The following DZIP3 variants were observed in gnomAD, a reference collection of about 807,000 sequenced individuals.
DZIP3 encodes the protein E3 ubiquitin-protein ligase DZIP3.
In DZIP3, 118 loss-of-function variants were observed where a neutral mutation model predicts 162.0. The observed-to-expected ratio is 0.73, with a 90% CI of 0.63 to 0.85. DZIP3 has a LOEUF of 0.85. Among genes scored for constraint, DZIP3 ranks in the 40% least tolerant of loss-of-function variants. DZIP3 has a pLI of 0.00. For missense variants in DZIP3, 1,331 were observed against 1,407.0 expected (o/e 0.95, Z 0.86); for synonymous variants, 438 against 458.6 (o/e 0.96, Z 0.57).
At chr3:108,674,746 AG>A (rs1394128014) in intron 24 of DZIP3, among the ~76,000 whole-genome samples, 1 of 151,964 alleles carries the variant, frequency 6.6e-6, no homozygotes, top group Admixed American at 6.6e-5. Flanking sequence ...AATATTGAAC[AG>A]GTTGCATGAA....
intron 26 of DZIP3, among the ~76,000 whole-genome samples, chr3:108,682,362 T>C (rs1273217016): frequency 6.6e-6 from 1 of 151,060 alleles, no homozygotes; most frequent in East Asian, 1.9e-4. Flanking sequence ...TGCTAAGATA[T>C]GTCATCTACA....
Position 108,669,718 on chromosome 3 carries a change from A to G in DZIP3, c.2461A>G (p.Lys821Glu), listed in dbSNP as rs762228363. The change falls in exon 22 of 33, where the codon AAG (lysine) becomes GAG (glutamate). Residue 821 changes from lysine to glutamate, a missense_variant. Physicochemically the swap from Lys to Glu is moderately conservative, Grantham distance 56 (BLOSUM62 1). This residue lies in a region of DZIP3 where 1,278 missense variants were observed against 1,317.1 expected (regional missense o/e 0.97). Transcript: ENST00000361582. Reference sequence around the variant, plus strand: ...AATCCATGCTAAAGATAATGAAATCAAGAACCTTAAAGAGCAACTTTCTAT... The same window carrying G: ...AATCCATGCTAAAGATAATGAAATCGAGAACCTTAAAGAGCAACTTTCTAT... Reference protein sequence around the residue: ...RQIHAKDNEIKNLKEQLSMKR... With the variant: ...RQIHAKDNEIENLKEQLSMKR... 4 of 1,611,392 alleles carry G rather than the reference A, an allele frequency of 2.5e-6. No homozygotes were observed. The South Asian group carries it at 3.3e-5, about 13-fold the overall frequency.
In DZIP3 at chr3:108,614,242, G is replaced by A. The variant is rs1048327782; in HGVS notation, c.259-2299G>A. On this transcript the variant is annotated intron_variant, in intron 4 of 32. Transcript: ENST00000361582. ...ATGCGTAATAAGTATGTCCAAAACC[G>A]AAAGCAAAAATATCCAAAATCATGA... is the stretch of plus-strand genomic sequence containing the variant. Among the ~76,000 whole-genome samples the A allele has an allele frequency of 4.6e-5, 7 of 152,046 alleles. No individual in the cohort carries two copies. In the East Asian group the frequency reaches 5.8e-4, roughly 13 times the overall value.
intron 4 of DZIP3, among the ~76,000 whole-genome samples, chr3:108,613,130 T>TTAA (rs1940812586): frequency 6.6e-6 from 1 of 152,102 alleles, no homozygotes; most frequent in African/African-American, 2.4e-5. Context: ...TAAAACTCTA[T>TTAA]TAAAGGTAAG....
intron 27 of DZIP3, among the ~76,000 whole-genome samples, chr3:108,684,789 C>A (rs1333369885): frequency 1.3e-5 from 2 of 152,124 alleles, no homozygotes; most frequent in Non-Finnish European, 1.5e-5. Flanking sequence ...TATCTATAAA[C>A]AGACTATAAA....
intron 27 of DZIP3, among the ~76,000 whole-genome samples, chr3:108,684,829 G>C (rs1247670532): frequency 6.6e-6 from 1 of 152,042 alleles, no homozygotes; most frequent in Non-Finnish European, 1.5e-5. Context: ...AAACTGTAAA[G>C]TTATAAATCT....
chr3:108,632,158 T>C (rs1941918383), intron 8 of DZIP3, among the ~76,000 whole-genome samples: 1 of 152,224 alleles, frequency 6.6e-6, no homozygotes, highest in Admixed American at 6.5e-5. Flanking sequence ...AAGGACCTTA[T>C]CTAATCATTT....
At position 108,589,733 on chromosome 3, in the gene DZIP3, C is replaced by G. The variant is rs1019706660; in HGVS notation, c.-179C>G. On this transcript the variant is annotated 5_prime_UTR_variant, in exon 1 of 33. Coordinates refer to ENST00000361582, the MANE Select transcript of DZIP3 (RefSeq NM_014648.4). The stretch of plus-strand genomic sequence containing the variant: ...AAGGGGGATTCCTCACTCAGCTGTG[C>G]GCTCTGATTTCGTGCGCTTCCTCGT... The G allele has an allele frequency of 6.6e-5, 12 of 183,018 alleles. No individual in the cohort carries two copies. The highest frequency in any genetic ancestry group is 1.0e-4 in the Non-Finnish European group (9 of 85,966). The allele number at this position is 183,018 out of a possible 1,614,324, so 11.3% of individuals were successfully genotyped here. A position where few individuals can be genotyped will look rare whatever the true frequency, so the allele number is the denominator to read the frequency against.
Position 108,648,935 on chromosome 3 carries a change from GA to G in DZIP3, c.1985del (p.Lys662ArgfsTer21). 1 of 1,161,048 alleles carries G rather than the reference GA, an allele frequency of 8.6e-7. No homozygotes were observed. Among genetic ancestry groups the G allele is most frequent in the East Asian group, 5.4e-5 (1 of 18,462 alleles). The allele number at this position is 1,161,048 out of a possible 1,614,324, so 71.9% of individuals were successfully genotyped here. On this transcript the variant is annotated frameshift_variant, in exon 17 of 33. Coordinates refer to ENST00000361582, the MANE Select transcript of DZIP3 (RefSeq NM_014648.4). LOFTEE classifies it high-confidence loss of function. ...CCTACTAGGTTAAGAGTAAACAAAG[GA>G]AAAAGAAGAAGACTAAGAATAAAAA... ...DLQEVKSKQR[K>X]KKKTKNKKNK...
intron 7 of DZIP3, among the ~76,000 whole-genome samples, chr3:108,626,793 T>G (rs1470544912): frequency 6.6e-6 from 1 of 152,108 alleles, no homozygotes; most frequent in Non-Finnish European, 1.5e-5. Context: ...GAAACTAGAG[T>G]GAATAACTAA....
intron 32 of DZIP3, among the ~76,000 whole-genome samples, chr3:108,691,668 A>G (rs185283687): frequency 5.9e-5 from 9 of 152,194 alleles, no homozygotes; most frequent in Non-Finnish European, 1.0e-4. Context: ...GAAGAAGTGC[A>G]GGAGGAAAGT....
chr3:108,625,055 T>G (rs1941531838), intron 6 of DZIP3, among the ~76,000 whole-genome samples: 1 of 152,198 alleles, frequency 6.6e-6, no homozygotes, highest in South Asian at 2.1e-4. Context: ...GCAGCGAAAC[T>G]GAAAACATTT....
chr3:108,641,402 T>G (rs1358202933), intron 12 of DZIP3, among the ~76,000 whole-genome samples: 1 of 152,228 alleles, frequency 6.6e-6, no homozygotes, highest in Non-Finnish European at 1.5e-5. Flanking sequence ...TCATTTTTAT[T>G]GCTCTAATTT....
chr3:108,617,375 A>C (rs964582681), intron 5 of DZIP3, among the ~76,000 whole-genome samples: 1 of 151,968 alleles, frequency 6.6e-6, no homozygotes, highest in African/African-American at 2.4e-5. Flanking sequence ...AAATATATAC[A>C]ATTTTTATTT....
intron 32 of DZIP3, 53 bp downstream of exon 32, chr3:108,690,956 G>A: frequency 6.8e-7 from 1 of 1,471,098 alleles, no homozygotes; most frequent in South Asian, 1.2e-5. Context: ...TGAGCTGCTT[G>A]TTTGAGTGGT....
Position 108,629,067 on chromosome 3 carries a change from A to G in DZIP3, c.587A>G (p.Asn196Ser). ...GLLRCAQKRY[N>S]GGLLEFHKSL... Reference sequence around the variant, plus strand: ...TATTTTAAAATGCCTTTCAGATATAATGGAGGACTGCTAGAATTTCATAAA... The same window carrying G: ...TATTTTAAAATGCCTTTCAGATATAGTGGAGGACTGCTAGAATTTCATAAA... Residue 196 changes from asparagine (N) to serine (S), a missense_variant, in exon 8 of 33, where the codon AAT (asparagine) becomes AGT (serine). Physicochemically the swap from Asn to Ser is conservative, Grantham distance 46 (BLOSUM62 1). Coordinates refer to ENST00000361582, the MANE Select transcript of DZIP3 (RefSeq NM_014648.4). 1 of 1,591,852 alleles carries G rather than the reference A, an allele frequency of 6.3e-7. No homozygotes were observed. The highest frequency in any genetic ancestry group is 8.5e-7 in the Non-Finnish European group (1 of 1,170,084).
Position 108,629,097 on chromosome 3 carries a change from T to TA in DZIP3, c.618dup (p.Gln207ThrfsTer8). On this transcript the variant is annotated frameshift_variant, in exon 8 of 33. Transcript: ENST00000361582. LOFTEE classifies it high-confidence loss of function. ...GGACTGCTAGAATTTCATAAAAGCTTACAAGAAATTGGAGACAAAAATGAC... is the reference window on the plus strand; with the variant it reads ...GGACTGCTAGAATTTCATAAAAGCTTAACAAGAAATTGGAGACAAAAATGAC... The TA allele has an allele frequency of 1.2e-6, 2 of 1,603,672 alleles. No individual in the cohort carries two copies. The highest frequency in any genetic ancestry group is 1.7e-6 in the Non-Finnish European group (2 of 1,176,770).
At chr3:108,666,207 A>T (rs1361642004) in intron 21 of DZIP3, among the ~76,000 whole-genome samples, 1 of 152,132 alleles carries the variant, frequency 6.6e-6, no homozygotes, top group Non-Finnish European at 1.5e-5. Flanking sequence ...AATGAGAATA[A>T]AGCTAGGGAT....
chr3:108,647,326 A>G lies in DZIP3; in HGVS notation c.1793-617A>G, dbSNP rs184965890. On this transcript the variant is annotated intron_variant, in intron 15 of 32. Coordinates refer to ENST00000361582, the MANE Select transcript of DZIP3 (RefSeq NM_014648.4). Reference sequence around the variant, plus strand: ...ATTGTTTAATTTCCATTTTTGTGCTATTTTTTTTAAGTGTAATTAATATTA... The same window carrying G: ...ATTGTTTAATTTCCATTTTTGTGCTGTTTTTTTTAAGTGTAATTAATATTA... Among the ~76,000 whole-genome samples, 7 of 151,694 alleles carry G rather than the reference A, an allele frequency of 4.6e-5. No individual in the cohort carries two copies. In the East Asian group the frequency reaches 1.4e-3, roughly 29 times the overall value.
Sources: allele counts gnomAD v4.1 joint callset (sites outside exome capture counted in the v4.1 genomes callset), GRCh38; gene constraint gnomAD v4.1.1; regional missense constraint gnomAD v4.1.1; transcripts MANE v1.5; gene names NCBI Gene and HGNC (gene_info 2026-07-23, HGNC 2026-07-21).